Variants in PRMT5 observed in about 807,000 individuals in gnomAD.
PRMT5 encodes protein arginine N-methyltransferase 5.
Under a neutral mutation model 84.0 loss-of-function variants are expected in PRMT5, and 15 were observed. That is an observed-to-expected ratio of 0.18 (90% CI 0.12 to 0.28). The LOEUF (loss-of-function observed/expected upper bound fraction) is 0.28, where lower values mean the gene tolerates loss of function less well. Among genes scored for constraint, PRMT5 ranks in the 10% least tolerant of loss-of-function variants. The pLI is 1.00. For synonymous variants in PRMT5, 276 were observed against 292.4 expected, an observed-to-expected ratio of 0.94 and a Z score of 0.57; for missense variants, 486 against 808.0, an observed-to-expected ratio of 0.60 and a Z score of 4.83.
rs762049550 is a variant in PRMT5 at position 22,922,833 on chromosome 14, G to C, written c.1488C>G (p.Ala496=). The change falls in exon 14 of 17, where the codon GCC becomes GCG. Residue 496 remains alanine, a splice_region_variant and synonymous_variant. Coordinates refer to ENST00000324366, the MANE Select transcript of PRMT5 (RefSeq NM_006109.5). ...ACREKDRDPE[A]QFEMPYVVRL... Reference sequence around the variant, plus strand: ...GTACCACATAAGGCATCTCAAACTGGGCCTGTCAGAGACAGAAAGAGAGAG... The same window carrying C: ...GTACCACATAAGGCATCTCAAACTGCGCCTGTCAGAGACAGAAAGAGAGAG... 7 of 1,613,370 alleles carry C rather than the reference G, an allele frequency of 4.3e-6. No individual in the cohort carries two copies. In the South Asian group the frequency reaches 7.7e-5, roughly 18 times the overall value.
At position 22,926,711 on chromosome 14, in the gene PRMT5, G is replaced by A. The variant is rs370955151; in HGVS notation, c.554C>T (p.Thr185Met). 3.4e-5 allele frequency: 55 copies of A among 1,613,478 alleles called. No individual in the cohort carries two copies. Among genetic ancestry groups the A allele is most frequent in the Non-Finnish European group, 4.5e-5 (53 of 1,179,482 alleles). ...HTEEYSGEEK[T>M]WMWWHNFRTL... ...GCAAAGGGAGACATACCACATCCACGTTTTCTCCTCCCCACTGTACTCCTC... is the reference window on the plus strand; with the variant it reads ...GCAAAGGGAGACATACCACATCCACATTTTCTCCTCCCCACTGTACTCCTC... Residue 185 changes from threonine to methionine, a missense_variant, in exon 5 of 17, where the codon ACG becomes ATG. This residue lies in a region of PRMT5 where 215 missense variants were observed against 301.1 expected (regional missense o/e 0.71). Coordinates refer to ENST00000324366, the MANE Select transcript of PRMT5 (RefSeq NM_006109.5).
At position 22,924,969 on chromosome 14, in the gene PRMT5, G is replaced by A. The variant is rs901279378; in HGVS notation, c.849C>T (p.Tyr283=). ...GACGGTTCTGGCTTAAGTATTCCAG[G>A]TATTGGAGGTAGGAGCAGAACTCCT... ...SEKEFCSYLQ[Y]LEYLSQNRPP... The change falls in exon 8 of 17, where the codon TAC becomes TAT. Residue 283 remains tyrosine (Y), a synonymous_variant. Transcript: ENST00000324366. This position sits in a 1 kb window ranked among gnomAD's most constrained non-coding sequence, Gnocchi z 6.5. 2.9e-5 allele frequency: 46 copies of A among 1,614,000 alleles called. No homozygotes were observed. The highest frequency in any genetic ancestry group is 3.9e-5 in the Non-Finnish European group (46 of 1,180,042).
intron 4 of PRMT5, 161 bp from the exon 5 acceptor site, chr14:22,926,975 C>T: frequency 3.3e-6 from 2 of 601,604 alleles, no homozygotes; most frequent in Non-Finnish European, 6.0e-6. Context: ...TATATAGATC[C>T]TTATGTAAAT....
In PRMT5 at chr14:22,922,854, G is replaced by A; in HGVS notation, c.1486-19C>T. On this transcript the variant is annotated intron_variant, in intron 13 of 16. Coordinates refer to ENST00000324366, the MANE Select transcript of PRMT5 (RefSeq NM_006109.5). Reference sequence around the variant, plus strand: ...ACTGGGCCTGTCAGAGACAGAAAGAGAGAGAGAGTGTTGGGGAAGACACAC... The same window carrying A: ...ACTGGGCCTGTCAGAGACAGAAAGAAAGAGAGAGTGTTGGGGAAGACACAC... The A allele has an allele frequency of 6.2e-7, 1 of 1,608,100 alleles. No individual in the cohort carries two copies. The highest frequency in any genetic ancestry group is 8.5e-7 in the Non-Finnish European group (1 of 1,175,220).
chr14:22,922,663 G>A, intron 14 of PRMT5, 79 bp downstream of exon 14: 4 of 1,519,150 alleles, frequency 2.6e-6, no homozygotes, highest in Non-Finnish European at 3.7e-6. Flanking sequence ...AGGCAGACTA[G>A]GGACAGTAAG....
rs762351072 is a variant in PRMT5 at position 22,923,985 on chromosome 14, C to T, written c.1375+23G>A. The T allele has an allele frequency of 6.5e-7, 1 of 1,536,922 alleles. No individual in the cohort carries two copies. The highest frequency in any genetic ancestry group is 1.4e-5 in the African/African-American group (1 of 72,214). On this transcript the variant is annotated intron_variant, in intron 12 of 16. Transcript: ENST00000324366. The surrounding 1 kb of genome is among the most constrained non-coding windows in gnomAD (Gnocchi z 5.2). ...CTGTCTCACCCATCATCACCCTCCACCTACACCCCAACCTGGGGGCACCTT... is the reference window on the plus strand; with the variant it reads ...CTGTCTCACCCATCATCACCCTCCATCTACACCCCAACCTGGGGGCACCTT...
At position 22,924,332 on chromosome 14, in the gene PRMT5, G is replaced by C. The variant is rs1192885526; in HGVS notation, c.1137C>G (p.Ala379=). The C allele has an allele frequency of 1.9e-6, 3 of 1,614,054 alleles. No individual in the cohort carries two copies. Among genetic ancestry groups the C allele is most frequent in the Non-Finnish European group, 8.5e-7 (1 of 1,180,026 alleles). The change falls in exon 11 of 17, where the codon GCC becomes GCG. Residue 379 remains alanine, a synonymous_variant. Coordinates refer to ENST00000324366, the MANE Select transcript of PRMT5 (RefSeq NM_006109.5). The surrounding 1 kb of genome is among the most constrained non-coding windows in gnomAD (Gnocchi z 6.5). ...GCTTTATCCGCCGGTCGGCCTGCTT[G>C]GCTGCCCGCAGGGAAGCGTTCACCA... ...GPLVNASLRA[A]KQADRRIKLY...
At position 22,922,842 on chromosome 14, in the gene PRMT5, GAGAC is replaced by G. The variant is rs760479519; in HGVS notation, c.1486-11_1486-8del. On this transcript the variant is annotated splice_region_variant and splice_polypyrimidine_tract_variant and intron_variant, in intron 13 of 16. Coordinates refer to ENST00000324366, the MANE Select transcript of PRMT5 (RefSeq NM_006109.5). Reference sequence around the variant, plus strand: ...AAGGCATCTCAAACTGGGCCTGTCAGAGACAGAAAGAGAGAGAGAGTGTTGGGGA... The same window carrying G: ...AAGGCATCTCAAACTGGGCCTGTCAGAGAAAGAGAGAGAGAGTGTTGGGGA... 1.2e-6 allele frequency: 2 copies of G among 1,611,154 alleles called. No homozygotes were observed. Among genetic ancestry groups the G allele is most frequent in the Admixed American group, 3.3e-5 (2 of 59,884 alleles).
At chr14:22,927,122 G>A (rs940986507) in intron 4 of PRMT5, among the ~76,000 whole-genome samples, 1 of 140,658 alleles carries the variant, frequency 7.1e-6, no homozygotes. Flanking sequence ...GTCTGGCTCT[G>A]TCACCCAGGC....
In PRMT5 at chr14:22,924,498, C is replaced by G. The variant is rs1486560167; in HGVS notation, c.1057G>C (p.Glu353Gln). Residue 353 changes from glutamate (E) to glutamine (Q), a missense_variant, in exon 10 of 17, where the codon GAG (glutamate) becomes CAG (glutamine). Glu to Gln is a conservative substitution (Grantham distance 29). This residue lies in a region of PRMT5 where 219 missense variants were observed against 433.6 expected (regional missense o/e 0.51). Transcript: ENST00000324366. The surrounding 1 kb of genome is among the most constrained non-coding windows in gnomAD (Gnocchi z 6.5). ...KCLLDRVPEEEKDTNVQVLMV... is the reference protein window; with the variant it reads ...KCLLDRVPEEQKDTNVQVLMV... ...ACTCACTGGACATTGGTATCCTTCTCCTCTTCTGGTACTCGGTCTAGCAGA... is the reference window on the plus strand; with the variant it reads ...ACTCACTGGACATTGGTATCCTTCTGCTCTTCTGGTACTCGGTCTAGCAGA... 2 of 1,613,990 alleles carry G rather than the reference C, an allele frequency of 1.2e-6. No homozygotes were observed. Among genetic ancestry groups the G allele is most frequent in the Non-Finnish European group, 8.5e-7 (1 of 1,180,006 alleles).
rs1341058670 is a variant in PRMT5, at chr14:22,928,123, T to A, written c.315+3A>T. ...ATCCAGCAGAGAAGTCAAACAGTCT[T>A]ACCGCCTCGGAGTTCCTGCGAATCT... On this transcript the variant is annotated splice_donor_region_variant and intron_variant, in intron 3 of 16. Transcript: ENST00000324366. The surrounding 1 kb of genome is among the most constrained non-coding windows in gnomAD (Gnocchi z 4.8). 1 of 1,613,668 alleles carries A rather than the reference T, an allele frequency of 6.2e-7. No homozygotes were observed. Among genetic ancestry groups the A allele is most frequent in the Admixed American group, 1.7e-5 (1 of 59,950 alleles).
Position 22,924,192 on chromosome 14 carries a change from G to A in PRMT5, c.1200-9C>T. On this transcript the variant is annotated splice_polypyrimidine_tract_variant and intron_variant, in intron 11 of 16. Transcript: ENST00000324366. The surrounding 1 kb of genome is among the most constrained non-coding windows in gnomAD (Gnocchi z 6.5). ...ACTGCCAGTTCTCTAGCCTGAAACA[G>A]AGACAATAAGGTAAGGAGAGATGTT... 1 of 1,610,394 alleles carries A rather than the reference G, an allele frequency of 6.2e-7. No homozygotes were observed. The highest frequency in any genetic ancestry group is 1.3e-5 in the African/African-American group (1 of 74,976).
rs2044466542 is a variant in PRMT5, at chr14:22,928,109, A to G, written c.315+17T>C. On this transcript the variant is annotated intron_variant, in intron 3 of 16. Coordinates refer to ENST00000324366, the MANE Select transcript of PRMT5 (RefSeq NM_006109.5). The surrounding 1 kb of genome is among the most constrained non-coding windows in gnomAD (Gnocchi z 4.8). ...GCTTGGTTAGAAAAATCCAGCAGAG[A>G]AGTCAAACAGTCTTACCGCCTCGGA... The G allele has an allele frequency of 2.5e-6, 4 of 1,608,610 alleles. No homozygotes were observed. Among genetic ancestry groups the G allele is most frequent in the Non-Finnish European group, 3.4e-6 (4 of 1,176,682 alleles).
rs768120226 is a variant in PRMT5 at position 22,922,171 on chromosome 14, C to A, written c.1761+5G>T. ...TAACTAGAGAGTCTTAAAAGCAGTT[C>A]CTACCTTAATAGGGAAGAGGATGGG... is the stretch of plus-strand genomic sequence containing the variant. On this transcript the variant is annotated splice_donor_5th_base_variant and intron_variant, in intron 16 of 16. Coordinates refer to ENST00000324366, the MANE Select transcript of PRMT5 (RefSeq NM_006109.5). 3 of 1,562,488 alleles carry A rather than the reference C, an allele frequency of 1.9e-6. No individual in the cohort carries two copies. Among genetic ancestry groups the A allele is most frequent in the Non-Finnish European group, 2.6e-6 (3 of 1,133,122 alleles).
In PRMT5 at chr14:22,922,547, T is replaced by C; in HGVS notation, c.1592A>G (p.Asp531Gly). 1 of 1,613,194 alleles carries C rather than the reference T, an allele frequency of 6.2e-7. No individual in the cohort carries two copies. Among genetic ancestry groups the C allele is most frequent in the Non-Finnish European group, 8.5e-7 (1 of 1,179,186 alleles). ...FSHPNRDPMIDNNRYCTLEFP... is the reference protein window; with the variant it reads ...FSHPNRDPMIGNNRYCTLEFP... ...TTCCAAGGTGCAATAGCGGTTGTTG[T>C]CAATCATAGGATCTGTCAGGAAATA... The change falls in exon 15 of 17, where the codon GAC (aspartate) becomes GGC (glycine). Residue 531 changes from aspartate (D) to glycine (G), a missense_variant. Physicochemically the swap from Asp to Gly is moderately conservative, Grantham distance 94. Coordinates refer to ENST00000324366, the MANE Select transcript of PRMT5 (RefSeq NM_006109.5).
In PRMT5 at chr14:22,922,185, G is replaced by T; in HGVS notation, c.1752C>A (p.Phe584Leu). The T allele has an allele frequency of 6.3e-7, 1 of 1,580,378 alleles. No individual in the cohort carries two copies. The highest frequency in any genetic ancestry group is 1.3e-5 in the African/African-American group (1 of 74,276). The change falls in exon 16 of 17, where the codon TTC (phenylalanine) becomes TTA (leucine). Residue 584 changes from phenylalanine to leucine, a missense_variant. Transcript: ENST00000324366. ...PGMFSWFPIL[F>L]PIKQPITVRE... ...TAAAAGCAGTTCCTACCTTAATAGG[G>T]AAGAGGATGGGAAACCATGAGAACA...
In PRMT5 at chr14:22,928,279, G is replaced by A. The variant is rs747745775; in HGVS notation, c.230-68C>T. The A allele has an allele frequency of 1.9e-6, 3 of 1,540,222 alleles. No individual in the cohort carries two copies. The highest frequency in any genetic ancestry group is 1.7e-4 in the Middle Eastern group (1 of 5,912). ...CAGCACTTTACTTGTTCAATTTTTA[G>A]TTTTGGGAATCAAGAGTAGAAATGA... On this transcript the variant is annotated intron_variant, in intron 2 of 16. Coordinates refer to ENST00000324366, the MANE Select transcript of PRMT5 (RefSeq NM_006109.5). The surrounding 1 kb of genome is among the most constrained non-coding windows in gnomAD (Gnocchi z 4.8).
Position 22,926,164 on chromosome 14 carries a change from A to C in PRMT5, c.746T>G (p.Met249Arg). Residue 249 changes from methionine (M) to arginine (R), a missense_variant, in exon 7 of 17, where the codon ATG becomes AGG. Transcript: ENST00000324366. Reference sequence around the variant, plus strand: ...GAGCCGGAAGATGAGCCTCTGGTGCATCTTAGAAAGAACAGGAAATCCCTT... The same window carrying C: ...GAGCCGGAAGATGAGCCTCTGGTGCCTCTTAGAAAGAACAGGAAATCCCTT... Reference protein sequence around the residue: ...NKKGFPVLSKMHQRLIFRLLK... With the variant: ...NKKGFPVLSKRHQRLIFRLLK... 6.2e-7 allele frequency: 1 copy of C among 1,612,972 alleles called. No homozygotes were observed. The highest frequency in any genetic ancestry group is 8.5e-7 in the Non-Finnish European group (1 of 1,178,982).
At chr14:22,929,182 A>T (rs2044493631) in intron 1 of PRMT5, 70 bp downstream of exon 1, 2 of 1,613,440 alleles carry the variant, frequency 1.2e-6, no homozygotes, top group Non-Finnish European at 8.5e-7. Flanking sequence ...CTTCTCCGGG[A>T]TGACTAGTCT....
Sources: gnomAD v4.1 joint callset for allele counts (sites outside exome capture counted in the v4.1 genomes callset) on GRCh38, gnomAD v4.1.1 for gene constraint, gnomAD v4.1.1 regional missense constraint, Gnocchi (gnomAD v3.1) non-coding constraint, MANE v1.5 for transcripts, NCBI Gene and HGNC (gene_info 2026-07-23, HGNC 2026-07-21) for gene names.